CFTR: variants seen among roughly 807,000 people sequenced by gnomAD.
The protein encoded by CFTR is cystic fibrosis transmembrane conductance regulator.
Under a neutral mutation model 171.6 loss-of-function variants are expected in CFTR, and 181 were observed. That is an observed-to-expected ratio of 1.05 (90% CI 0.93 to 1.19). The LOEUF (loss-of-function observed/expected upper bound fraction) is 1.19. Among genes scored for constraint, CFTR ranks in the 50% most tolerant of loss-of-function variants. CFTR has a pLI of 0.00. For missense variants in CFTR, 1,968 were observed against 1,734.7 expected (o/e 1.13, Z -2.39); for synonymous variants, 583 against 608.0 (o/e 0.96, Z 0.60).
rs200454589 is a variant in CFTR at position 117,548,635 on chromosome 7, T to TA, written c.1210-4dup. 14 of 1,611,762 alleles carry TA rather than the reference T, an allele frequency of 8.7e-6. 1 individual carries two copies. In the East Asian group the frequency reaches 3.1e-4, roughly 36 times the overall value. On this transcript the variant is annotated splice_polypyrimidine_tract_variant and splice_region_variant and intron_variant, in intron 9 of 26. Coordinates refer to ENST00000003084, the MANE Select transcript of CFTR (RefSeq NM_000492.4). ...GTGTGTGTGTGTGTGTGTGTTTTTT[T>TA]AACAGGGATTTGGGGAATTATTTGA...
chr7:117,494,513 T>C (rs561705614), intron 1 of CFTR, among the ~76,000 whole-genome samples: 49 of 152,228 alleles, frequency 3.2e-4, no homozygotes, highest in African/African-American at 1.1e-3. Context: ...ATAAACACTT[T>C]AGCAAAGAAA....
intron 4 of CFTR, 112 bp from the exon 5 acceptor site, chr7:117,534,164 C>T (rs1188736925): frequency 1.5e-6 from 1 of 647,510 alleles, no homozygotes; most frequent in African/African-American, 1.8e-5. Flanking sequence ...ATTTTCATTA[C>T]CTTTACTTAA....
intron 11 of CFTR, among the ~76,000 whole-genome samples, chr7:117,573,211 AT>A (rs1791722453): frequency 6.6e-6 from 1 of 152,178 alleles, no homozygotes; most frequent in Non-Finnish European, 1.5e-5. Context: ...ACTTAAAAAA[AT>A]GAAATTATAA....
chr7:117,614,625 G>A lies in CFTR; in HGVS notation c.3380G>A (p.Gly1127Glu), dbSNP rs1434504483. The A allele has an allele frequency of 1.4e-5, 22 of 1,609,132 alleles. No homozygotes were observed. Among genetic ancestry groups the A allele is most frequent in the Admixed American group, 3.3e-5 (2 of 59,910 alleles). Reference protein sequence around the residue: ...ISILTTGEGEGRVGIILTLAM... With the variant: ...ISILTTGEGEERVGIILTLAM... ...TGTGCATCTATAGGAGAAGGAGAAG[G>A]AAGAGTTGGTATTATCCTGACTTTA... Residue 1127 changes from glycine to glutamate, a missense_variant, in exon 21 of 27, where the codon GGA (glycine) becomes GAA (glutamate). Physicochemically the swap from Gly to Glu is moderately conservative, Grantham distance 98 (BLOSUM62 -2). Transcript: ENST00000003084.
intron 11 of CFTR, among the ~76,000 whole-genome samples, chr7:117,566,929 T>A (rs1293525035): frequency 3.9e-5 from 6 of 152,226 alleles, no homozygotes; most frequent in African/African-American, 1.4e-4. Context: ...AGTTCTTATG[T>A]CTCTAAAACC....
In CFTR at chr7:117,513,242, T is replaced by A. The variant is rs572650389; in HGVS notation, c.273+4100T>A. Among the ~76,000 whole-genome samples the A allele has an allele frequency of 2.1e-3, 319 of 151,970 alleles. 2 individuals carry two copies. Among genetic ancestry groups the A allele is most frequent in the Middle Eastern group, 0.017 (5 of 294 alleles). On this transcript the variant is annotated intron_variant, in intron 3 of 26. Coordinates refer to ENST00000003084, the MANE Select transcript of CFTR (RefSeq NM_000492.4). ...TACCATCTTGAGGTTACAGAAAGAA[T>A]GGGGGTTTGGATCTTTGTAAAACAG... is the stretch of plus-strand genomic sequence containing the variant.
intron 16 of CFTR, among the ~76,000 whole-genome samples, chr7:117,603,127 G>C (rs1192205763): frequency 6.6e-6 from 1 of 152,010 alleles, no homozygotes; most frequent in East Asian, 1.9e-4. Flanking sequence ...GTATCATTGT[G>C]AGTAGCCACC....
At chr7:117,484,905 C>A (rs1440295069) in intron 1 of CFTR, among the ~76,000 whole-genome samples, 1 of 151,810 alleles carries the variant, frequency 6.6e-6, no homozygotes, top group African/African-American at 2.4e-5. Context: ...ATATTTAATT[C>A]CTTGCTAAAG....
At chr7:117,607,244 A>G (rs1792313547) in intron 18 of CFTR, among the ~76,000 whole-genome samples, 2 of 152,188 alleles carry the variant, frequency 1.3e-5, no homozygotes, top group African/African-American at 2.4e-5. Context: ...AGAAGCAAAG[A>G]TAAGTTTTAG....
chr7:117,636,921 G>A (rs1264207213), intron 22 of CFTR, among the ~76,000 whole-genome samples: 1 of 151,536 alleles, frequency 6.6e-6, no homozygotes, highest in Admixed American at 6.6e-5. Flanking sequence ...GGGTTCAAGT[G>A]ATTCTCCTCC....
chr7:117,509,249 T>A, intron 3 of CFTR, 107 bp downstream of exon 3: 2 of 750,632 alleles, frequency 2.7e-6, no homozygotes, highest in Non-Finnish European at 4.7e-6. Context: ...ATATAAAGGA[T>A]GAATCCAACT....
rs1792261737 is a variant in CFTR, at chr7:117,603,711, A to T, written c.2837A>T (p.Lys946Ile). 2 of 1,614,100 alleles carry T rather than the reference A, an allele frequency of 1.2e-6. No individual in the cohort carries two copies. Among genetic ancestry groups the T allele is most frequent in the Non-Finnish European group, 1.7e-6 (2 of 1,179,958 alleles). The change falls in exon 17 of 27, where the codon AAA (lysine) becomes ATA (isoleucine). Residue 946 changes from lysine (K) to isoleucine (I), a missense_variant. By Grantham distance (102) the Lys-to-Ile change is moderately radical. Coordinates refer to ENST00000003084, the MANE Select transcript of CFTR (RefSeq NM_000492.4). ...GTGCATACTCTAATCACAGTGTCGA[A>T]AATTTTACACCACAAAATGTTACAT... Reference protein sequence around the residue: ...PLVHTLITVSKILHHKMLHSV... With the variant: ...PLVHTLITVSIILHHKMLHSV...
At position 117,587,121 on chromosome 7, in the gene CFTR, A is replaced by G. The variant is rs35641133; in HGVS notation, c.1585-618A>G. Among the ~76,000 whole-genome samples, 400 of 152,252 alleles carry G rather than the reference A, an allele frequency of 2.6e-3. 3 individuals carry two copies. The highest frequency in any genetic ancestry group is 0.017 in the Middle Eastern group (5 of 294). On this transcript the variant is annotated intron_variant, in intron 11 of 26. Coordinates refer to ENST00000003084, the MANE Select transcript of CFTR (RefSeq NM_000492.4). The stretch of plus-strand genomic sequence containing the variant: ...CAGAAATATTCATTACCTGGGAGAA[A>G]GGATGACAGGAGGGGCAGAATGAAT...
intron 15 of CFTR, among the ~76,000 whole-genome samples, chr7:117,601,589 T>G (rs1470689717): frequency 6.6e-6 from 1 of 152,192 alleles, no homozygotes; most frequent in Non-Finnish European, 1.5e-5. Context: ...TGATATCTTA[T>G]TCCAAGCATA....
intron 18 of CFTR, among the ~76,000 whole-genome samples, chr7:117,607,843 G>T (rs1369447237): frequency 6.6e-6 from 1 of 152,154 alleles, no homozygotes; most frequent in Non-Finnish European, 1.5e-5. Flanking sequence ...TCCTTCAGTT[G>T]TTCTGTTTAA....
chr7:117,518,126 A>G (rs962503409), intron 3 of CFTR, among the ~76,000 whole-genome samples: 3 of 151,876 alleles, frequency 2.0e-5, no homozygotes, highest in Non-Finnish European at 4.4e-5. Context: ...CTCTCTATAT[A>G]TGGAACTCTA....
rs769807498 is a variant in CFTR, at chr7:117,509,063, A to G, written c.194A>G (p.Lys65Arg). Reference protein sequence around the residue: ...REWDRELASKKNPKLINALRR... With the variant: ...REWDRELASKRNPKLINALRR... ...TGGGATAGAGAGCTGGCTTCAAAGAAAAATCCTAAACTCATTAATGCCCTT... is the reference window on the plus strand; with the variant it reads ...TGGGATAGAGAGCTGGCTTCAAAGAGAAATCCTAAACTCATTAATGCCCTT... The change falls in exon 3 of 27, where the codon AAA (lysine) becomes AGA (arginine). Residue 65 changes from lysine to arginine, a missense_variant. Coordinates refer to ENST00000003084, the MANE Select transcript of CFTR (RefSeq NM_000492.4). 1 of 1,612,854 alleles carries G rather than the reference A, an allele frequency of 6.2e-7. No individual in the cohort carries two copies. The highest frequency in any genetic ancestry group is 8.5e-7 in the Non-Finnish European group (1 of 1,179,106).
rs1799162274 is a variant in CFTR, at chr7:117,547,282, TG to T, written c.1210-1357del. 6.6e-5 allele frequency among the ~76,000 whole-genome samples: 10 copies of T among 152,288 alleles called. No homozygotes were observed. The South Asian group carries it at 2.1e-3, about 32-fold the overall frequency. ...AATTTTTCAACATAGTTTTAAGTGGTGGCAAATGATGTAGTTTCTTGTGTAT... is the reference window on the plus strand; with the variant it reads ...AATTTTTCAACATAGTTTTAAGTGGTGCAAATGATGTAGTTTCTTGTGTAT... On this transcript the variant is annotated intron_variant, in intron 9 of 26. Transcript: ENST00000003084.
intron 2 of CFTR, among the ~76,000 whole-genome samples, chr7:117,504,840 A>G (rs1426986040): frequency 6.6e-6 from 1 of 152,102 alleles, no homozygotes; most frequent in African/African-American, 2.4e-5. Context: ...TAAAAGAAAA[A>G]TAATCAGTTT....
Sources: gnomAD v4.1 joint callset for allele counts (sites outside exome capture counted in the v4.1 genomes callset) on GRCh38, gnomAD v4.1.1 for gene constraint, MANE v1.5 for transcripts, NCBI Gene and HGNC (gene_info 2026-07-23, HGNC 2026-07-21) for gene names.